TNS1: variants seen among roughly 807,000 people sequenced by gnomAD.
The protein encoded by TNS1 is tensin-1.
TNS1 carries 62 observed loss-of-function variants against 168.6 expected under a neutral mutation model. The observed-to-expected ratio is 0.37, with a 90% confidence interval of 0.30 to 0.45. The LOEUF is 0.45. Among genes scored for constraint, TNS1 ranks in the 20% least tolerant of loss-of-function variants. The pLI is 1.00. For synonymous variants in TNS1, 934 were observed against 933.2 expected (o/e 1.00, Z -0.02); for missense variants, 2,240 against 2,339.4 (o/e 0.96, Z 0.88).
At position 217,800,212 on chromosome 2, in the gene TNS1, A is replaced by G. The variant is rs781702608; in HGVS notation, c.*4247T>C. 1 of 152,274 alleles carries G rather than the reference A, an allele frequency of 6.6e-6. No individual in the cohort carries two copies. Among genetic ancestry groups the G allele is most frequent in the Non-Finnish European group, 1.5e-5 (1 of 68,078 alleles). 9.4% of individuals were successfully genotyped at this position (152,274 alleles called of 1,614,324 possible). ...GAGAGTTTCAAACAGCTTAACACTG[A>G]TTGGAAAACAAGCTTGGGACATCCC... is the stretch of plus-strand genomic sequence containing the variant. On this transcript the variant is annotated 3_prime_UTR_variant, in exon 33 of 33. Transcript: ENST00000682258.
chr2:217,897,182 C>T (rs918025434), intron 8 of TNS1, among the ~76,000 whole-genome samples: 3 of 152,218 alleles, frequency 2.0e-5, no homozygotes, highest in Admixed American at 6.5e-5. Flanking sequence ...CTGAGCCCTC[C>T]TCTGGGGCCA....
intron 3 of TNS1, among the ~76,000 whole-genome samples, chr2:217,938,727 G>A (rs1441563978): frequency 6.6e-6 from 1 of 152,220 alleles, no homozygotes; most frequent in Admixed American, 6.5e-5. Context: ...ATCCCAGAAG[G>A]GGAGCTCAGG....
At chr2:217,963,002 A>G (rs1177445298) in intron 3 of TNS1, among the ~76,000 whole-genome samples, 1 of 152,238 alleles carries the variant, frequency 6.6e-6, no homozygotes, top group Non-Finnish European at 1.5e-5. Flanking sequence ...GGTGAAGGAT[A>G]TAAGGAAACT....
chr2:217,821,984 G>A (rs371087643), intron 22 of TNS1, 46 bp from the exon 23 acceptor site: 31 of 1,527,544 alleles, frequency 2.0e-5, no homozygotes, highest in African/African-American at 1.5e-4. Context: ...GATGCACAGG[G>A]GTGCAGTGCA....
intron 32 of TNS1, among the ~76,000 whole-genome samples, chr2:217,807,097 C>T (rs1450901132): frequency 6.6e-6 from 1 of 152,250 alleles, no homozygotes; most frequent in Admixed American, 6.5e-5. Flanking sequence ...ATTTTTTTAA[C>T]ACTGAACGTT....
At chr2:217,929,529 G>A (rs1431826624) in intron 3 of TNS1, among the ~76,000 whole-genome samples, 1 of 152,158 alleles carries the variant, frequency 6.6e-6, no homozygotes, top group East Asian at 1.9e-4. Context: ...AGGCCACAGG[G>A]AAGCACCAGC....
intron 3 of TNS1, among the ~76,000 whole-genome samples, chr2:217,959,898 G>A (rs979082840): frequency 1.3e-5 from 2 of 152,120 alleles, no homozygotes; most frequent in Non-Finnish European, 2.9e-5. Flanking sequence ...TGGGAGTGAG[G>A]GGAGATGCCT....
chr2:217,999,291 A>G (rs1175772452), intron 1 of TNS1, among the ~76,000 whole-genome samples: 2 of 152,166 alleles, frequency 1.3e-5, no homozygotes, highest in Non-Finnish European at 2.9e-5. Flanking sequence ...AAGCACTAAC[A>G]TTTCTTGAGC....
Position 217,969,960 on chromosome 2 carries a change from G to T in TNS1, c.186+8805C>A, listed in dbSNP as rs529318912. On this transcript the variant is annotated intron_variant, in intron 3 of 32. Transcript: ENST00000682258. ...AGATGTAATCAAGCTCTAAAATGGG[G>T]TCATGAGGATGGGCCTTAACCATCT... Among the ~76,000 whole-genome samples the T allele has an allele frequency of 2.0e-5, 3 of 152,202 alleles. No homozygotes were observed. The South Asian group carries it at 6.2e-4, about 32-fold the overall frequency.
upstream of TNS1, among the ~76,000 whole-genome samples, chr2:218,014,225 GCA>G (rs1427573048): frequency 1.3e-5 from 2 of 152,164 alleles, no homozygotes; most frequent in Non-Finnish European, 2.9e-5. Context: ...ACAGACAGAT[GCA>G]CAGAGACCAC....
rs1574930720 is a variant in TNS1 at position 217,880,761 on chromosome 2, T to C, written c.1429+137A>G. On this transcript the variant is annotated intron_variant, in intron 18 of 32. Transcript: ENST00000682258. This position sits in a 1 kb window ranked among gnomAD's most constrained non-coding sequence, Gnocchi z 4.2. ...TATCTTCCCCCAGTTAACGGTGAGC[T>C]CTCGGAGGTACCTCACACTTCCCCT... 1.5e-6 allele frequency: 1 copy of C among 685,332 alleles called. No homozygotes were observed. The highest frequency in any genetic ancestry group is 2.5e-5 in the East Asian group (1 of 40,312). 42.5% of individuals were successfully genotyped at this position (685,332 alleles called of 1,614,324 possible). A position where few individuals can be genotyped will look rare whatever the true frequency, so the allele number is the denominator to read the frequency against.
rs189664588 is a variant in TNS1, at chr2:217,988,533, C to T, written c.148+2409G>A. Among the ~76,000 whole-genome samples the T allele has an allele frequency of 2.9e-4, 44 of 152,238 alleles. 1 individual carries two copies. Among genetic ancestry groups the T allele is most frequent in the Non-Finnish European group, 5.6e-4 (38 of 68,018 alleles). ...GGAAGACACTAGGGAAGGAAGGAAC[C>T]GTGGGGAAGGGCCAGGGGCTAATTT... is the stretch of plus-strand genomic sequence containing the variant. On this transcript the variant is annotated intron_variant, in intron 2 of 32. Coordinates refer to ENST00000682258, the MANE Select transcript of TNS1 (RefSeq NM_001387777.1).
At chr2:217,882,555 T>C (rs1218217079) in intron 16 of TNS1, 144 bp from the exon 17 acceptor site, 5 of 530,416 alleles carry the variant, frequency 9.4e-6, no homozygotes, top group Non-Finnish European at 1.6e-5. Context: ...TATACATATA[T>C]ACATGAAATT....
chr2:217,956,174 A>T (rs72951949), intron 3 of TNS1, among the ~76,000 whole-genome samples: 9,727 of 152,050 alleles, frequency 0.064, 415 homozygotes, highest in African/African-American at 0.11. Context: ...GTTAAAAAGA[A>T]TTTTTTTTAA....
chr2:217,920,935 A>C (rs1198058128), intron 3 of TNS1, among the ~76,000 whole-genome samples: 1 of 151,758 alleles, frequency 6.6e-6, no homozygotes, highest in Admixed American at 6.6e-5. Context: ...AGGAGATGGC[A>C]ACTTGAACTT....
chr2:218,031,083 AGT>A (rs1173851624), intron 1 of TNS1, among the ~76,000 whole-genome samples: 10 of 145,078 alleles, frequency 6.9e-5, no homozygotes, highest in Middle Eastern at 3.6e-3. Flanking sequence ...TGTGTTTGTG[AGT>A]GTGTGAGCGT....
Position 217,808,682 on chromosome 2 carries a change from G to A in TNS1, c.5274-11C>T, listed in dbSNP as rs375742157. On this transcript the variant is annotated splice_polypyrimidine_tract_variant and intron_variant, in intron 30 of 32. Coordinates refer to ENST00000682258, the MANE Select transcript of TNS1 (RefSeq NM_001387777.1). Reference sequence around the variant, plus strand: ...CGTCTGAAAAAGAGCCTGCAGCACAGACATCAGATAAACAGAGAATGAGTG... The same window carrying A: ...CGTCTGAAAAAGAGCCTGCAGCACAAACATCAGATAAACAGAGAATGAGTG... 8.9e-5 allele frequency: 144 copies of A among 1,613,612 alleles called. No homozygotes were observed. The highest frequency in any genetic ancestry group is 1.0e-5 in the Non-Finnish European group (12 of 1,179,670).
At chr2:218,008,403 G>C (rs1326910173) in intron 1 of TNS1, among the ~76,000 whole-genome samples, 1 of 152,186 alleles carries the variant, frequency 6.6e-6, no homozygotes, top group African/African-American at 2.4e-5. Context: ...AATGGGGAGG[G>C]GGTGTTGCTA....
At position 217,986,797 on chromosome 2, in the gene TNS1, C is replaced by A. The variant is rs1366282991; in HGVS notation, c.148+4145G>T. ...CACGTACCTGTGTCAGCTTTGGTAC[C>A]GTGCTCCATGATTGTCTGACTGTGT... is the stretch of plus-strand genomic sequence containing the variant. On this transcript the variant is annotated intron_variant, in intron 2 of 32. Transcript: ENST00000682258. The surrounding 1 kb of genome is among the most constrained non-coding windows in gnomAD (Gnocchi z 4.7). 1.3e-5 allele frequency: 2 copies of A among 152,270 alleles called. No individual in the cohort carries two copies. Among genetic ancestry groups the A allele is most frequent in the South Asian group, 2.1e-4 (1 of 4,822 alleles). 9.4% of individuals were successfully genotyped at this position (152,270 alleles called of 1,614,324 possible). A position where few individuals can be genotyped will look rare whatever the true frequency, so the allele number is the denominator to read the frequency against.
Sources: gnomAD v4.1 joint callset for allele counts (sites outside exome capture counted in the v4.1 genomes callset) on GRCh38, gnomAD v4.1.1 for gene constraint, Gnocchi (gnomAD v3.1) non-coding constraint, MANE v1.5 for transcripts, NCBI Gene and HGNC (gene_info 2026-07-23, HGNC 2026-07-21) for gene names.